The following PALS2 variants were observed in gnomAD, a reference collection of about 807,000 sequenced individuals.
PALS2 encodes the protein protein associated with LIN7 2, MAGUK p55 family member.
PALS2 carries 27 observed loss-of-function variants against 61.6 expected under a neutral mutation model. That is an observed-to-expected ratio of 0.44 (90% CI 0.32 to 0.60). The LOEUF (loss-of-function observed/expected upper bound fraction) is 0.60, where lower values mean the gene tolerates loss of function less well. Among genes scored for constraint, PALS2 ranks in the 20% least tolerant of loss-of-function variants. The pLI is 0.05. For missense variants in PALS2, 554 were observed against 639.4 expected, an observed-to-expected ratio of 0.87 and a Z score of 1.44; for synonymous variants, 236 against 218.6, an observed-to-expected ratio of 1.08 and a Z score of -0.70.
rs1788562681 is a variant in PALS2, at chr7:24,693,354, C to G, written c.*5740C>G. 1 of 152,150 alleles carries G rather than the reference C, an allele frequency of 6.6e-6. No homozygotes were observed. The allele number at this position is 152,150 out of a possible 1,614,324, so 9.4% of individuals were successfully genotyped here. A position where few individuals can be genotyped will look rare whatever the true frequency, so the allele number is the denominator to read the frequency against. On this transcript the variant is annotated 3_prime_UTR_variant, in exon 12 of 12. Coordinates refer to ENST00000222644, the MANE Select transcript of PALS2 (RefSeq NM_001303037.2). ...AGGTCATATATGAAATTTGGCTCTC[C>G]TCCTATCAAAGTAGCCTAGGAGCTT...
At chr7:24,612,290 C>T (rs890235397) in intron 1 of PALS2, among the ~76,000 whole-genome samples, 7 of 151,878 alleles carry the variant, frequency 4.6e-5, no homozygotes, top group Non-Finnish European at 7.4e-5. Flanking sequence ...TTTAACTACT[C>T]TGAAGATTTG....
chr7:24,590,216 A>T (rs1198405676), intron 1 of PALS2, among the ~76,000 whole-genome samples: 1 of 152,194 alleles, frequency 6.6e-6, no homozygotes, highest in African/African-American at 2.4e-5. Context: ...CTTAGATGAT[A>T]AGATTTTTCA....
In PALS2 at chr7:24,687,499, A is replaced by G. The variant is rs1788267110; in HGVS notation, c.1508A>G (p.Tyr503Cys). ...CGGATTCAGAGAGCATACAACCACT[A>G]TTTTGATTTGATCATCATAAATGAT... is the stretch of plus-strand genomic sequence containing the variant. ...SARIQRAYNH[Y>C]FDLIIINDNL... The change falls in exon 12 of 12, where the codon TAT (tyrosine) becomes TGT (cysteine). Residue 503 changes from tyrosine to cysteine, a missense_variant. Physicochemically the swap from Tyr to Cys is radical, Grantham distance 194. Transcript: ENST00000222644. The surrounding 1 kb of genome is among the most constrained non-coding windows in gnomAD (Gnocchi z 4.5). 2 of 1,613,176 alleles carry G rather than the reference A, an allele frequency of 1.2e-6. No homozygotes were observed. The highest frequency in any genetic ancestry group is 1.3e-5 in the African/African-American group (1 of 75,010).
At chr7:24,627,523 T>A (rs746593836) in intron 2 of PALS2, among the ~76,000 whole-genome samples, 2 of 151,876 alleles carry the variant, frequency 1.3e-5, no homozygotes, top group Non-Finnish European at 2.9e-5. Context: ...AGAGCAGAAC[T>A]GAAGGAGATA....
Position 24,694,076 on chromosome 7 carries a change from A to T in PALS2, c.*6462A>T, listed in dbSNP as rs1788596200. 6.6e-6 allele frequency: 1 copy of T among 152,138 alleles called. No individual in the cohort carries two copies. Among genetic ancestry groups the T allele is most frequent in the Admixed American group, 6.5e-5 (1 of 15,268 alleles). 9.4% of individuals were successfully genotyped at this position (152,138 alleles called of 1,614,324 possible). ...CTGAACAAGCTGCTTAAAGTTTCTG[A>T]TTAAGAAGTTTAAAAAGAAAAATTA... On this transcript the variant is annotated 3_prime_UTR_variant, in exon 12 of 12. Coordinates refer to ENST00000222644, the MANE Select transcript of PALS2 (RefSeq NM_001303037.2).
chr7:24,576,044 A>G (rs1192364350), intron 1 of PALS2, among the ~76,000 whole-genome samples: 2 of 152,202 alleles, frequency 1.3e-5, no homozygotes, highest in Non-Finnish European at 2.9e-5. Context: ...TTCAGGAAGA[A>G]TGAACACTTA....
Position 24,691,405 on chromosome 7 carries a change from G to GTGTGTACATA in PALS2, c.*3792_*3793insGTGTACATAT, listed in dbSNP as rs1274329385. ...ATATTATGTATGTGTGTGTGTGTGT[G>GTGTGTACATA]TATATATATATATATATATATATAT... On this transcript the variant is annotated 3_prime_UTR_variant, in exon 12 of 12. Coordinates refer to ENST00000222644, the MANE Select transcript of PALS2 (RefSeq NM_001303037.2). 1.8e-5 allele frequency: 2 copies of GTGTGTACATA among 110,596 alleles called. No homozygotes were observed. The highest frequency in any genetic ancestry group is 3.1e-5 in the African/African-American group (1 of 32,340). The allele number at this position is 110,596 out of a possible 1,614,324, so 6.9% of individuals were successfully genotyped here.
chr7:24,585,022 A>C (rs1018531232), intron 1 of PALS2, among the ~76,000 whole-genome samples: 1 of 151,756 alleles, frequency 6.6e-6, no homozygotes, highest in African/African-American at 2.4e-5. Flanking sequence ...ATTGATCTAT[A>C]TCTCTGTTTT....
chr7:24,687,386 C>T lies in PALS2; in HGVS notation c.1447-52C>T. 7.3e-7 allele frequency: 1 copy of T among 1,378,150 alleles called. No homozygotes were observed. Among genetic ancestry groups the T allele is most frequent in the Non-Finnish European group, 1.0e-6 (1 of 991,302 alleles). The allele number at this position is 1,378,150 out of a possible 1,614,324, so 85.4% of individuals were successfully genotyped here. A position where few individuals can be genotyped will look rare whatever the true frequency, so the allele number is the denominator to read the frequency against. Reference sequence around the variant, plus strand: ...TATTCACTTCTAGTTGGAGTTTGAGCAAGTAAATATGCATTGTAATACAAA... The same window carrying T: ...TATTCACTTCTAGTTGGAGTTTGAGTAAGTAAATATGCATTGTAATACAAA... On this transcript the variant is annotated intron_variant, in intron 11 of 11. Coordinates refer to ENST00000222644, the MANE Select transcript of PALS2 (RefSeq NM_001303037.2). The surrounding 1 kb of genome is among the most constrained non-coding windows in gnomAD (Gnocchi z 4.5).
In PALS2 at chr7:24,665,982, A is replaced by G; in HGVS notation, c.884-39A>G. ...TATAGGGCAATTTTTTCATATTCTG[A>G]TATACTGCTTAAGTTATATTTGTTT... On this transcript the variant is annotated intron_variant, in intron 7 of 11. Transcript: ENST00000222644. The G allele has an allele frequency of 3.2e-6, 5 of 1,557,372 alleles. No individual in the cohort carries two copies. In the South Asian group the frequency reaches 4.5e-5, roughly 14 times the overall value.
intron 1 of PALS2, among the ~76,000 whole-genome samples, chr7:24,595,506 TATAATATATA>T (rs1783474804): frequency 9.2e-6 from 1 of 108,200 alleles, no homozygotes; most frequent in East Asian, 4.0e-4. Flanking sequence ...TTTTAATATA[TATAATATATA>T]ATATATATAA....
At chr7:24,644,245 C>G (rs901368286) in intron 3 of PALS2, among the ~76,000 whole-genome samples, 1 of 151,874 alleles carries the variant, frequency 6.6e-6, no homozygotes, top group Non-Finnish European at 1.5e-5. Context: ...TTGTCTGTTT[C>G]TCTCCCTTCT....
Position 24,596,389 on chromosome 7 carries a change from A to G in PALS2, c.-3+22796A>G, listed in dbSNP as rs191910438. Reference sequence around the variant, plus strand: ...ATTCTAGGTATTTTTGTAAGTATATATATAAAGTATTATTTTGAAAACAGA... The same window carrying G: ...ATTCTAGGTATTTTTGTAAGTATATGTATAAAGTATTATTTTGAAAACAGA... On this transcript the variant is annotated intron_variant, in intron 1 of 11. Transcript: ENST00000222644. The surrounding 1 kb of genome is among the most constrained non-coding windows in gnomAD (Gnocchi z 4.5). Among the ~76,000 whole-genome samples, 2 of 152,260 alleles carry G rather than the reference A, an allele frequency of 1.3e-5. No individual in the cohort carries two copies. The highest frequency in any genetic ancestry group is 1.3e-4 in the Admixed American group (2 of 15,272).
intron 1 of PALS2, among the ~76,000 whole-genome samples, chr7:24,612,396 A>G (rs2128052561): frequency 6.6e-6 from 1 of 152,020 alleles, no homozygotes; most frequent in South Asian, 2.1e-4. Flanking sequence ...CTAAAAAATC[A>G]TGTTGGCTAG....
intron 1 of PALS2, among the ~76,000 whole-genome samples, chr7:24,601,291 C>G (rs1783711978): frequency 6.6e-6 from 1 of 152,024 alleles, no homozygotes; most frequent in South Asian, 2.1e-4. Context: ...TTCTCTATTC[C>G]TGTATTTTCA....
At chr7:24,622,600 A>G (rs2128057021) in intron 1 of PALS2, among the ~76,000 whole-genome samples, 1 of 150,820 alleles carries the variant, frequency 6.6e-6, no homozygotes, top group South Asian at 2.1e-4. Context: ...GATTTTCCAT[A>G]TACAGAATCA....
chr7:24,577,141 A>G (rs1185273000), intron 1 of PALS2, among the ~76,000 whole-genome samples: 1 of 152,172 alleles, frequency 6.6e-6, no homozygotes, highest in African/African-American at 2.4e-5. Context: ...AATCTTTATC[A>G]TAGTAAGTAT....
chr7:24,664,905 G>A (rs1031663808), intron 6 of PALS2, among the ~76,000 whole-genome samples: 1 of 150,964 alleles, frequency 6.6e-6, no homozygotes, highest in South Asian at 2.1e-4. Flanking sequence ...TTGATAGTTG[G>A]TTACTTTAAT....
At chr7:24,631,256 A>C (rs2721787) in intron 2 of PALS2, among the ~76,000 whole-genome samples, 75,380 of 152,032 alleles carry the variant, frequency 0.5, 22,104 homozygotes, top group African/African-American at 0.81. Flanking sequence ...TGAGGGATTC[A>C]AGACTTCAGT....
Sources: gnomAD v4.1 joint callset for allele counts (sites outside exome capture counted in the v4.1 genomes callset) on GRCh38, gnomAD v4.1.1 for gene constraint, Gnocchi (gnomAD v3.1) non-coding constraint, MANE v1.5 for transcripts, NCBI Gene and HGNC (gene_info 2026-07-23, HGNC 2026-07-21) for gene names.